The following COL9A3 variants were observed in gnomAD, a reference collection of about 807,000 sequenced individuals.
The protein encoded by COL9A3 is collagen type IX alpha 3 chain.
Under a neutral mutation model 110.2 loss-of-function variants are expected in COL9A3, and 82 were observed. The observed-to-expected ratio is 0.74, with a 90% CI of 0.62 to 0.89. The LOEUF is 0.89. Ranked by LOEUF, COL9A3 falls within the 40% of genes least tolerant of loss-of-function variation. COL9A3 has a pLI of 0.00. For synonymous variants in COL9A3, 494 were observed against 403.8 expected (o/e 1.22, Z -2.68); for missense variants, 1,066 against 981.3 (o/e 1.09, Z -1.15).
At chr20:62,816,491 G>A (rs1420112990), upstream of COL9A3, among the ~76,000 whole-genome samples, 1 of 152,230 alleles carries the variant, frequency 6.6e-6, no homozygotes, top group Non-Finnish European at 1.5e-5. Context: ...CACGGGTGAG[G>A]GGCCGCGGTG....
chr20:62,821,701 G>A, intron 7 of COL9A3, 56 bp from the exon 8 acceptor site: 1 of 1,561,858 alleles, frequency 6.4e-7, no homozygotes, highest in Admixed American at 1.7e-5. Flanking sequence ...ACCCTGGGTG[G>A]GGATCCTCGG....
chr20:62,826,956 C>A, intron 15 of COL9A3, 136 bp downstream of exon 15: 2 of 977,124 alleles, frequency 2.0e-6, no homozygotes, highest in Non-Finnish European at 3.1e-6. Flanking sequence ...CCTGGGAGGG[C>A]TTGTGGCATG....
intron 25 of COL9A3, chr20:62,832,733 A>C: frequency 1.2e-5 from 3 of 260,724 alleles, no homozygotes; most frequent in East Asian, 2.5e-4. Flanking sequence ...GCCTTTCCAT[A>C]CCGCTGGAGG....
chr20:62,825,495 C>T (rs2063545272), intron 12 of COL9A3: 2 of 473,926 alleles, frequency 4.2e-6, no homozygotes, highest in African/African-American at 1.9e-5. Flanking sequence ...TGCCCTTTAG[C>T]GTGGCTGGAG....
chr20:62,817,970 C>T (rs1299720152), intron 2 of COL9A3: 6 of 412,800 alleles, frequency 1.5e-5, no homozygotes, highest in Non-Finnish European at 2.3e-5. Flanking sequence ...TGGTTGGGGG[C>T]CGGGGGTCTT....
intron 22 of COL9A3, among the ~76,000 whole-genome samples, 180 bp from the exon 23 acceptor site, chr20:62,830,180 G>C (rs564654270): frequency 3.2e-4 from 48 of 152,202 alleles, no homozygotes; most frequent in African/African-American, 1.1e-3. Context: ...TGAGTTCTGA[G>C]ACCCCCTAAA....
At position 62,836,482 on chromosome 20, in the gene COL9A3, A is replaced by G. The variant is rs2063637283; in HGVS notation, c.1553A>G (p.Lys518Arg). 3.7e-6 allele frequency: 6 copies of G among 1,613,688 alleles called. No individual in the cohort carries two copies. Among genetic ancestry groups the G allele is most frequent in the Non-Finnish European group, 5.1e-6 (6 of 1,179,810 alleles). The change falls in exon 29 of 32, where the codon AAG becomes AGG. Residue 518 changes from lysine to arginine, a missense_variant. Physicochemically the swap from Lys to Arg is conservative, Grantham distance 26 (BLOSUM62 2). Transcript: ENST00000649368. ...AATGTGTGGGGTGAATTCCAGGGGAAGGAGGCCAGCGAGCAGCGCATCAGG... is the reference window on the plus strand; with the variant it reads ...AATGTGTGGGGTGAATTCCAGGGGAGGGAGGCCAGCGAGCAGCGCATCAGG... ...GITGKPGVPG[K>R]EASEQRIREL...
chr20:62,820,841 C>CG (rs1406733610), intron 5 of COL9A3, among the ~76,000 whole-genome samples: 5 of 152,066 alleles, frequency 3.3e-5, no homozygotes, highest in African/African-American at 1.2e-4. Flanking sequence ...CTGACGTGGG[C>CG]GGGGGCTGAG....
rs1400485392 is a variant in COL9A3, at chr20:62,817,551, G to A, written c.79-16G>A. ...CGGGGGCACCTGCGCTCCTTAATGA[G>A]TTTTCTCCGTTTCAGAGAGTGGGAC... On this transcript the variant is annotated splice_polypyrimidine_tract_variant and intron_variant, in intron 1 of 31. Coordinates refer to ENST00000649368, the MANE Select transcript of COL9A3 (RefSeq NM_001853.4). The A allele has an allele frequency of 1.3e-6, 2 of 1,536,016 alleles. No homozygotes were observed. Among genetic ancestry groups the A allele is most frequent in the South Asian group, 1.2e-5 (1 of 83,756 alleles).
At chr20:62,825,371 G>T in intron 12 of COL9A3, 1 of 331,984 alleles carries the variant, frequency 3.0e-6, no homozygotes. Flanking sequence ...GCCGGGGCGA[G>T]GGGCATCTGT....
chr20:62,827,220 G>T (rs747033260), intron 15 of COL9A3, 21 bp from the exon 16 acceptor site: 2 of 1,612,890 alleles, frequency 1.2e-6, no homozygotes, highest in Admixed American at 3.3e-5. Context: ...CTCTGTCCCT[G>T]CCCCACCTCA....
At chr20:62,817,236 C>A in intron 1 of COL9A3, 94 bp downstream of exon 1, 1 of 933,192 alleles carries the variant, frequency 1.1e-6, no homozygotes, top group Non-Finnish European at 1.4e-6. Context: ...GCAGCCTCGA[C>A]GCCCCCAGCC....
intron 29 of COL9A3, 80 bp from the exon 30 acceptor site, chr20:62,837,003 G>T: frequency 3.2e-6 from 5 of 1,539,758 alleles, no homozygotes; most frequent in Non-Finnish European, 4.4e-6. Context: ...ACAGCACCGT[G>T]TAGATATTTT....
At chr20:62,821,393 C>T in intron 6 of COL9A3, 114 bp from the exon 7 acceptor site, 2 of 1,445,490 alleles carry the variant, frequency 1.4e-6, no homozygotes, top group Middle Eastern at 1.7e-4. Flanking sequence ...TGGGACCAGA[C>T]ACCCATCCCT....
chr20:62,836,583 G>A (rs781776098), intron 29 of COL9A3, 51 bp downstream of exon 29: 3 of 1,550,364 alleles, frequency 1.9e-6, no homozygotes, highest in Non-Finnish European at 2.6e-6. Flanking sequence ...CCGCCTGGGG[G>A]TCCCGTGCCT....
At position 62,837,220 on chromosome 20, in the gene COL9A3, G is replaced by A. The variant is rs756015135; in HGVS notation, c.1741G>A (p.Gly581Arg). 1.4e-5 allele frequency: 22 copies of A among 1,611,676 alleles called. No individual in the cohort carries two copies. Among genetic ancestry groups the A allele is most frequent in the East Asian group, 2.2e-5 (1 of 44,878 alleles). The change falls in exon 30 of 32, where the codon GGA becomes AGA. Residue 581 changes from glycine to arginine, a missense_variant. Transcript: ENST00000649368. ...IGHPGARGPP[G>R]YRGPTGELGD... is the part of the protein sequence containing the mutation. ...TCACCCTGGCGCTCGAGGACCCCCTGGATACCGCGGTCCCACTGGGGAGCT... is the reference window on the plus strand; with the variant it reads ...TCACCCTGGCGCTCGAGGACCCCCTAGATACCGCGGTCCCACTGGGGAGCT...
chr20:62,822,647 C>T lies in COL9A3; in HGVS notation c.519+15C>T. Reference sequence around the variant, plus strand: ...CTGACCTTCAGGTAGGCACTTGAAGCCATTTGTTAAGGGTGCTGGGGGGTG... The same window carrying T: ...CTGACCTTCAGGTAGGCACTTGAAGTCATTTGTTAAGGGTGCTGGGGGGTG... On this transcript the variant is annotated intron_variant, in intron 10 of 31. Transcript: ENST00000649368. 1 of 1,611,068 alleles carries T rather than the reference C, an allele frequency of 6.2e-7. No homozygotes were observed. The highest frequency in any genetic ancestry group is 8.5e-7 in the Non-Finnish European group (1 of 1,179,698).
At chr20:62,824,923 T>C in intron 11 of COL9A3, 45 bp from the exon 12 acceptor site, 1 of 1,570,200 alleles carries the variant, frequency 6.4e-7, no homozygotes, top group Non-Finnish European at 8.7e-7. Flanking sequence ...AGGGAGGGGG[T>C]GTCGGGGGGT....
chr20:62,826,303 C>T, intron 14 of COL9A3, 46 bp downstream of exon 14: 3 of 1,516,366 alleles, frequency 2.0e-6, no homozygotes, highest in Non-Finnish European at 1.8e-6. Flanking sequence ...TGGCTGGGGG[C>T]CTGGTTGTCT....
Sources: allele counts gnomAD v4.1 joint callset (sites outside exome capture counted in the v4.1 genomes callset), GRCh38; gene constraint gnomAD v4.1.1; transcripts MANE v1.5; gene names NCBI Gene and HGNC (gene_info 2026-07-23, HGNC 2026-07-21).